TBC1D31: variants seen among roughly 807,000 people sequenced by gnomAD.
TBC1D31 encodes WD repeat domain 67.
A neutral mutation model predicts 132.9 loss-of-function variants in TBC1D31; 99 were observed. The observed-to-expected ratio is 0.74, with a 90% CI of 0.63 to 0.88. The LOEUF is 0.88. Ranked by LOEUF, TBC1D31 falls within the 40% of genes least tolerant of loss-of-function variation. TBC1D31 has a pLI of 0.00. For synonymous variants in TBC1D31, 385 were observed against 419.4 expected, an observed-to-expected ratio of 0.92 and a Z score of 1.00; for missense variants, 1,134 against 1,256.6, an observed-to-expected ratio of 0.90 and a Z score of 1.48.
Position 123,142,344 on chromosome 8 carries a change from G to A in TBC1D31, c.2723G>A (p.Cys908Tyr), listed in dbSNP as rs1821782873. The A allele has an allele frequency of 1.2e-6, 2 of 1,610,788 alleles. No individual in the cohort carries two copies. The highest frequency in any genetic ancestry group is 1.7e-6 in the Non-Finnish European group (2 of 1,178,898). Reference sequence around the variant, plus strand: ...ATTCAGTCTTTACATAAACAAAAATGTGATGATCTACAACGAAACAAATGT... The same window carrying A: ...ATTCAGTCTTTACATAAACAAAAATATGATGATCTACAACGAAACAAATGT... ...WQIQSLHKQK[C>Y]DDLQRNKCYQ... The change falls in exon 19 of 22, where the codon TGT becomes TAT. Residue 908 changes from cysteine (C) to tyrosine (Y), a missense_variant. By Grantham distance (194) the Cys-to-Tyr change is radical. Coordinates refer to ENST00000287380, the MANE Select transcript of TBC1D31 (RefSeq NM_145647.4).
At chr8:123,082,945 G>C (rs953964432) in intron 3 of TBC1D31, 128 bp downstream of exon 3, 13 of 625,358 alleles carry the variant, frequency 2.1e-5, no homozygotes, top group Non-Finnish European at 3.1e-5. Context: ...GACACTAGGT[G>C]CAAGCTGAGG....
chr8:123,082,710 T>C lies in TBC1D31; in HGVS notation c.233T>C (p.Leu78Pro). Residue 78 changes from leucine (L) to proline (P), a missense_variant, in exon 3 of 22, where the codon CTT becomes CCT. By Grantham distance (98) the Leu-to-Pro change is moderately conservative (BLOSUM62 -3). Transcript: ENST00000287380. ...VFDLHGNRFNLVQRTAQACTA... is the reference protein window; with the variant it reads ...VFDLHGNRFNPVQRTAQACTA... Reference sequence around the variant, plus strand: ...CAATGATCTCTTAATAGGTTCAATCTTGTTCAGCGAACAGCACAAGCTTGC... The same window carrying C: ...CAATGATCTCTTAATAGGTTCAATCCTGTTCAGCGAACAGCACAAGCTTGC... 6.2e-7 allele frequency: 1 copy of C among 1,607,828 alleles called. No individual in the cohort carries two copies. The highest frequency in any genetic ancestry group is 8.5e-7 in the Non-Finnish European group (1 of 1,178,188).
chr8:123,132,096 C>A (rs564974339), intron 16 of TBC1D31, among the ~76,000 whole-genome samples: 1 of 152,308 alleles, frequency 6.6e-6, no homozygotes, highest in East Asian at 1.9e-4. Context: ...ATATTAAATT[C>A]TCTTACATAT....
Position 123,084,462 on chromosome 8 carries a change from CAAGCA to C in TBC1D31, c.519+131_519+135del, listed in dbSNP as rs1000222498. Reference sequence around the variant, plus strand: ...TCCTTGTAGCTCTGTAACTCAGCAACAAGCAAAGCAAAGTGGCCAACACAAAGATG... The same window carrying C: ...TCCTTGTAGCTCTGTAACTCAGCAACAAGCAAAGTGGCCAACACAAAGATG... On this transcript the variant is annotated intron_variant, in intron 4 of 21. Transcript: ENST00000287380. 553 of 935,728 alleles carry C rather than the reference CAAGCA, an allele frequency of 5.9e-4. No individual in the cohort carries two copies. In the African/African-American group the frequency reaches 6.7e-3, roughly 11 times the overall value. The allele number at this position is 935,728 out of a possible 1,614,324, so 58.0% of individuals were successfully genotyped here.
intron 19 of TBC1D31, 35 bp downstream of exon 19, chr8:123,142,491 G>A (rs879072843): frequency 1.5e-6 from 2 of 1,365,214 alleles, no homozygotes; most frequent in Admixed American, 3.0e-5. Context: ...TTAATATCAA[G>A]CATTGATTTT....
In TBC1D31 at chr8:123,106,276, G is replaced by A. The variant is rs376378905; in HGVS notation, c.1209+812G>A. Among the ~76,000 whole-genome samples, 13 of 152,252 alleles carry A rather than the reference G, an allele frequency of 8.5e-5. 1 individual carries two copies. In the South Asian group the frequency reaches 2.5e-3, roughly 29 times the overall value. ...GCATGACGAAATCTCCTGCCATCTTGCTCTGTTCCACCTGGCACATGACCA... is the reference window on the plus strand; with the variant it reads ...GCATGACGAAATCTCCTGCCATCTTACTCTGTTCCACCTGGCACATGACCA... On this transcript the variant is annotated intron_variant, in intron 8 of 21. Coordinates refer to ENST00000287380, the MANE Select transcript of TBC1D31 (RefSeq NM_145647.4).
intron 20 of TBC1D31, among the ~76,000 whole-genome samples, chr8:123,147,242 G>A (rs892030224): frequency 6.6e-5 from 10 of 151,450 alleles, no homozygotes; most frequent in African/African-American, 2.2e-4. Context: ...GCACAATCTC[G>A]GCTCACTGCA....
intron 2 of TBC1D31, chr8:123,082,409 G>T: frequency 4.0e-6 from 1 of 247,386 alleles, no homozygotes; most frequent in Non-Finnish European, 7.7e-6. Flanking sequence ...AACTTTCTTA[G>T]TGATCTCCTT....
intron 1 of TBC1D31, 62 bp downstream of exon 1, chr8:123,072,908 G>A (rs1814053225): frequency 6.7e-7 from 1 of 1,491,738 alleles, no homozygotes; most frequent in East Asian, 2.5e-5. Context: ...AGGAGGGGAC[G>A]CCGGGCGTCA....
At chr8:123,081,650 G>A (rs556307993) in intron 2 of TBC1D31, among the ~76,000 whole-genome samples, 2 of 152,294 alleles carry the variant, frequency 1.3e-5, no homozygotes, top group South Asian at 4.2e-4. Flanking sequence ...AATTTATAAA[G>A]AAAAAGAGGT....
chr8:123,081,867 C>A (rs1815189816), intron 2 of TBC1D31, among the ~76,000 whole-genome samples: 1 of 99,450 alleles, frequency 1.0e-5, no homozygotes, highest in African/African-American at 3.7e-5. Context: ...TTATCTCCCA[C>A]TGGGCCCCTC....
intron 4 of TBC1D31, among the ~76,000 whole-genome samples, chr8:123,085,666 C>G (rs1439619909): frequency 2.6e-5 from 4 of 152,158 alleles, no homozygotes; most frequent in Non-Finnish European, 5.9e-5. Flanking sequence ...GCCTTAGCCT[C>G]CTAAAGTGCT....
chr8:123,127,338 C>T (rs1437878955), intron 13 of TBC1D31, among the ~76,000 whole-genome samples: 1 of 134,430 alleles, frequency 7.4e-6, no homozygotes, highest in East Asian at 2.2e-4. Context: ...TGGCACAGTC[C>T]CGGTTCACTG....
At position 123,140,793 on chromosome 8, in the gene TBC1D31, AG is replaced by A. The variant is rs756527024; in HGVS notation, c.2533del (p.Glu845LysfsTer23). 1 of 1,607,986 alleles carries A rather than the reference AG, an allele frequency of 6.2e-7. No individual in the cohort carries two copies. Among genetic ancestry groups the A allele is most frequent in the South Asian group, 1.1e-5 (1 of 89,558 alleles). On this transcript the variant is annotated frameshift_variant, in exon 18 of 22. Transcript: ENST00000287380. LOFTEE classifies it high-confidence loss of function. ...LTENQEALAK[E>X]MRADADAYRR... The stretch of plus-strand genomic sequence containing the variant: ...CTGAAAATCAAGAAGCTCTTGCAAA[AG>A]AAATGCGAGCAGATGCAGATGCCTA...
intron 19 of TBC1D31, among the ~76,000 whole-genome samples, chr8:123,143,306 C>T (rs1001401510): frequency 2.0e-5 from 3 of 152,066 alleles, no homozygotes; most frequent in African/African-American, 7.3e-5. Context: ...CATTATCATC[C>T]CAAATAAAAT....
At chr8:123,139,446 A>T (rs1821418462) in intron 17 of TBC1D31, among the ~76,000 whole-genome samples, 1 of 152,096 alleles carries the variant, frequency 6.6e-6, no homozygotes, top group African/African-American at 2.4e-5. Context: ...TGATGTCTCT[A>T]CTCAGGTAGT....
At chr8:123,153,723 AT>A (rs1401023596), downstream of TBC1D31, among the ~76,000 whole-genome samples, 1 of 152,234 alleles carries the variant, frequency 6.6e-6, no homozygotes, top group Non-Finnish European at 1.5e-5. Context: ...TATAATGTGA[AT>A]TCTCTGGAAT....
At chr8:123,102,174 T>G (rs1186006882) in intron 7 of TBC1D31, 1 of 454,420 alleles carries the variant, frequency 2.2e-6, no homozygotes, top group African/African-American at 2.0e-5. Flanking sequence ...TGTCTTCCAG[T>G]CTGAAATTGC....
intron 10 of TBC1D31, among the ~76,000 whole-genome samples, chr8:123,112,206 T>G (rs1327148273): frequency 6.6e-6 from 1 of 152,192 alleles, no homozygotes; most frequent in Non-Finnish European, 1.5e-5. Flanking sequence ...ATAACTCCTC[T>G]TCATATGATA....
Sources: allele counts gnomAD v4.1 joint callset (sites outside exome capture counted in the v4.1 genomes callset), GRCh38; gene constraint gnomAD v4.1.1; transcripts MANE v1.5; gene names NCBI Gene and HGNC (gene_info 2026-07-23, HGNC 2026-07-21).